Variants in GRM7 observed in about 807,000 individuals in gnomAD.
The protein encoded by GRM7 is metabotropic glutamate receptor 7.
GRM7 carries 35 observed loss-of-function variants against 84.5 expected under a neutral mutation model. The observed-to-expected ratio is 0.41, with a 90% CI of 0.32 to 0.55. The LOEUF is 0.55. Among genes scored for constraint, GRM7 ranks in the 20% least tolerant of loss-of-function variants. The pLI is 0.19. For synonymous variants in GRM7, 487 were observed against 455.1 expected (o/e 1.07, Z -0.89); for missense variants, 1,003 against 1,194.6 (o/e 0.84, Z 2.36).
chr3:6,906,197 C>T (rs1328496440), intron 1 of GRM7, among the ~76,000 whole-genome samples: 2 of 152,102 alleles, frequency 1.3e-5, no homozygotes, highest in Non-Finnish European at 2.9e-5. Flanking sequence ...AATGGGGGCA[C>T]TTGATTCATG....
chr3:7,286,574 C>A (rs931012941), intron 2 of GRM7, among the ~76,000 whole-genome samples: 5 of 152,154 alleles, frequency 3.3e-5, no homozygotes, highest in African/African-American at 1.2e-4. Context: ...TATGTAATGA[C>A]AGAGGTGAAA....
At chr3:7,621,257 C>T (rs765061023) in intron 8 of GRM7, among the ~76,000 whole-genome samples, 4 of 152,000 alleles carry the variant, frequency 2.6e-5, no homozygotes, top group South Asian at 2.1e-4. Flanking sequence ...TAGCAATAAC[C>T]GTAAATGTAT....
Position 6,897,127 on chromosome 3 carries a change from AT to A in GRM7, c.519+35222del, listed in dbSNP as rs1297665356. Among the ~76,000 whole-genome samples, 8 of 152,290 alleles carry A rather than the reference AT, an allele frequency of 5.3e-5. No individual in the cohort carries two copies. In the East Asian group the frequency reaches 1.5e-3, roughly 29 times the overall value. ...GCCAACATATAGACAATAATATCTC[AT>A]TGTTCTTTTGAATTCCAGCTGGGAA... On this transcript the variant is annotated intron_variant, in intron 1 of 9. Coordinates refer to ENST00000357716, the MANE Select transcript of GRM7 (RefSeq NM_000844.4).
At chr3:6,931,508 C>T (rs1305136913) in intron 1 of GRM7, among the ~76,000 whole-genome samples, 2 of 152,154 alleles carry the variant, frequency 1.3e-5, no homozygotes, top group African/African-American at 4.8e-5. Context: ...TTAATTCCTG[C>T]CCATCCTCCT....
intron 1 of GRM7, chr3:6,892,603 G>A (rs1696006855): frequency 6.6e-6 from 1 of 152,144 alleles, no homozygotes; most frequent in South Asian, 2.1e-4. Context: ...ATCTGAGAGT[G>A]AGGAAAAAGA....
chr3:7,268,218 A>G (rs977527726), intron 2 of GRM7, among the ~76,000 whole-genome samples: 1 of 152,152 alleles, frequency 6.6e-6, no homozygotes, highest in Non-Finnish European at 1.5e-5. Context: ...AAGGGGAGAC[A>G]CAGCTGGGTG....
At chr3:7,135,430 C>T (rs1470224574) in intron 1 of GRM7, among the ~76,000 whole-genome samples, 1 of 152,184 alleles carries the variant, frequency 6.6e-6, no homozygotes, top group Admixed American at 6.5e-5. Flanking sequence ...GAAGCATTAT[C>T]TTAATTGCAC....
chr3:7,361,806 T>TG (rs746191062), intron 4 of GRM7, among the ~76,000 whole-genome samples: 1 of 152,146 alleles, frequency 6.6e-6, no homozygotes, highest in African/African-American at 2.4e-5. Flanking sequence ...TGGCTGCTGA[T>TG]GCATTCCTGG....
At chr3:7,228,527 T>C (rs1006795281) in intron 2 of GRM7, among the ~76,000 whole-genome samples, 3 of 152,208 alleles carry the variant, frequency 2.0e-5, no homozygotes, top group East Asian at 3.9e-4. Context: ...AGATCTTGTA[T>C]TGTTTGAATG....
At chr3:7,389,561 C>T (rs775620992) in intron 4 of GRM7, among the ~76,000 whole-genome samples, 2 of 151,972 alleles carry the variant, frequency 1.3e-5, no homozygotes, top group Non-Finnish European at 2.9e-5. Context: ...GATGTGTGTA[C>T]ATTTTGGATA....
intron 4 of GRM7, among the ~76,000 whole-genome samples, chr3:7,392,040 G>A (rs1695021768): frequency 2.6e-5 from 4 of 152,158 alleles, no homozygotes; most frequent in Admixed American, 2.6e-4. Context: ...AGCTGGTGCA[G>A]TTTCACGTTT....
intron 1 of GRM7, among the ~76,000 whole-genome samples, chr3:6,949,725 T>A (rs1692641423): frequency 6.6e-6 from 1 of 152,188 alleles, no homozygotes; most frequent in Admixed American, 6.5e-5. Flanking sequence ...TTTCACATAG[T>A]CCCATATTTC....
chr3:7,550,651 A>G (rs1295613851), intron 7 of GRM7, among the ~76,000 whole-genome samples: 1 of 134,194 alleles, frequency 7.5e-6, no homozygotes, highest in Non-Finnish European at 1.5e-5. Flanking sequence ...AGGCCTCCTC[A>G]CCTCACATGA....
intron 1 of GRM7, among the ~76,000 whole-genome samples, chr3:7,099,348 A>C (rs576574646): frequency 6.8e-6 from 1 of 147,902 alleles, no homozygotes; most frequent in African/African-American, 2.5e-5. Flanking sequence ...TTATACATGT[A>C]TATATGTACA....
intron 9 of GRM7, chr3:7,681,495 A>G (rs946572078): frequency 1.3e-5 from 2 of 152,248 alleles, no homozygotes; most frequent in African/African-American, 2.4e-5. Context: ...GAATGTCGTG[A>G]AATACTTTGA....
At chr3:7,417,180 C>T (rs984904201) in intron 5 of GRM7, among the ~76,000 whole-genome samples, 4 of 152,092 alleles carry the variant, frequency 2.6e-5, no homozygotes. Flanking sequence ...TATGTTTCTT[C>T]CATGTGAATA....
chr3:7,575,292 A>G (rs1366643761), intron 7 of GRM7, among the ~76,000 whole-genome samples: 2 of 152,240 alleles, frequency 1.3e-5, no homozygotes, highest in Admixed American at 6.5e-5. Flanking sequence ...GTAAACTTGC[A>G]TCTTCTAATG....
At chr3:7,709,145 C>T (rs1701496656) in intron 9 of GRM7, among the ~76,000 whole-genome samples, 1 of 152,016 alleles carries the variant, frequency 6.6e-6, no homozygotes, top group African/African-American at 2.4e-5. Flanking sequence ...CAAGCGGTCC[C>T]TAAGTATTAG....
intron 7 of GRM7, among the ~76,000 whole-genome samples, chr3:7,576,772 C>T (rs866586050): frequency 3.9e-5 from 6 of 152,164 alleles, no homozygotes; most frequent in East Asian, 3.9e-4. Context: ...AACTTGCAGA[C>T]GTAGTACATC....
Sources: gnomAD v4.1 joint callset for allele counts (sites outside exome capture counted in the v4.1 genomes callset) on GRCh38, gnomAD v4.1.1 for gene constraint, MANE v1.5 for transcripts, NCBI Gene and HGNC (gene_info 2026-07-23, HGNC 2026-07-21) for gene names.